SGK3: variants seen among roughly 807,000 people sequenced by gnomAD.
SGK3 encodes the protein serine/threonine-protein kinase Sgk3.
In SGK3, 47 loss-of-function variants were observed where a neutral mutation model predicts 68.5. The observed-to-expected ratio is 0.69, with a 90% CI of 0.54 to 0.87. The LOEUF is 0.87. Among genes scored for constraint, SGK3 ranks in the 40% least tolerant of loss-of-function variants. The probability of loss-of-function intolerance (pLI) is 0.00; values close to 1 mark genes in which losing one functional copy is unlikely to be tolerated. For missense variants in SGK3, 479 were observed against 575.5 expected (o/e 0.83, Z 1.72); for synonymous variants, 181 against 189.1 (o/e 0.96, Z 0.35).
intron 8 of SGK3, among the ~76,000 whole-genome samples, chr8:66,835,278 A>G (rs949828843): frequency 6.6e-6 from 1 of 152,222 alleles, no homozygotes; most frequent in African/African-American, 2.4e-5. Context: ...AAGCGTCTGC[A>G]TGGGACCCAG....
rs759613588 is a variant in SGK3 at position 66,843,562 on chromosome 8, ACCT to A, written c.1074+17_1074+19del. ...TGTATGGATTGGTATGTATTTCTAT[ACCT>A]CATTATTCCAATGTATTATCATTGA... is the stretch of plus-strand genomic sequence containing the variant. On this transcript the variant is annotated intron_variant, in intron 14 of 16. Transcript: ENST00000521198. 46 of 1,605,460 alleles carry A rather than the reference ACCT, an allele frequency of 2.9e-5. 1 individual carries two copies. The South Asian group carries it at 4.4e-4, about 15-fold the overall frequency.
intron 1 of SGK3, among the ~76,000 whole-genome samples, chr8:66,715,403 G>T (rs964700698): frequency 1.3e-5 from 2 of 152,090 alleles, no homozygotes; most frequent in African/African-American, 2.4e-5. Context: ...GGCTACAGGT[G>T]CATGCCCCCA....
intron 1 of SGK3, among the ~76,000 whole-genome samples, chr8:66,757,043 A>G (rs1288262701): frequency 2.0e-5 from 3 of 151,106 alleles, no homozygotes; most frequent in Non-Finnish European, 4.4e-5. Flanking sequence ...ATGTTTTTCT[A>G]CCTTTCTGCC....
chr8:66,813,538 G>T (rs1808463958), intron 4 of SGK3, among the ~76,000 whole-genome samples: 1 of 151,782 alleles, frequency 6.6e-6, no homozygotes, highest in Admixed American at 6.6e-5. Flanking sequence ...ACAAAGCAAT[G>T]TGCTTCTCCA....
At chr8:66,817,872 C>G (rs927928829) in intron 5 of SGK3, among the ~76,000 whole-genome samples, 4 of 152,056 alleles carry the variant, frequency 2.6e-5, no homozygotes, top group African/African-American at 7.2e-5. Context: ...CTTTGGGAGG[C>G]TAAGGCAGGC....
intron 1 of SGK3, among the ~76,000 whole-genome samples, chr8:66,728,916 T>G (rs1805056132): frequency 6.7e-6 from 1 of 149,682 alleles, no homozygotes; most frequent in Admixed American, 6.6e-5. Context: ...ACTCTGCCTC[T>G]TAAAAAAAAA....
intron 1 of SGK3, among the ~76,000 whole-genome samples, chr8:66,713,699 G>A (rs1329896685): frequency 6.6e-6 from 1 of 152,106 alleles, no homozygotes; most frequent in South Asian, 2.1e-4. Context: ...CCCTTACTAT[G>A]CGCTGGGCTC....
intron 1 of SGK3, among the ~76,000 whole-genome samples, chr8:66,750,530 A>G (rs545955676): frequency 5.3e-5 from 8 of 152,036 alleles, no homozygotes; most frequent in African/African-American, 1.9e-4. Context: ...TTTAGTCTTA[A>G]GAAATGTGAT....
At position 66,788,304 on chromosome 8, in the gene SGK3, C is replaced by G. The variant is rs1585717001; in HGVS notation, c.-121-5312C>G. Among the ~76,000 whole-genome samples the G allele has an allele frequency of 2.6e-5, 4 of 152,324 alleles. No individual in the cohort carries two copies. In the South Asian group the frequency reaches 8.3e-4, roughly 32 times the overall value. Reference sequence around the variant, plus strand: ...ATGATTCAGTGAACCAGACAATACTCTGTTCACGATGGGCTGTTGTTTTTA... The same window carrying G: ...ATGATTCAGTGAACCAGACAATACTGTGTTCACGATGGGCTGTTGTTTTTA... On this transcript the variant is annotated intron_variant, in intron 1 of 16. Transcript: ENST00000521198.
At chr8:66,752,054 C>A (rs1805834519) in intron 1 of SGK3, among the ~76,000 whole-genome samples, 2 of 152,256 alleles carry the variant, frequency 1.3e-5, no homozygotes, top group South Asian at 4.1e-4. Flanking sequence ...CATGAGCCCC[C>A]AAGCCTGGCC....
intron 1 of SGK3, among the ~76,000 whole-genome samples, chr8:66,731,136 CTT>C (rs1805139195): frequency 6.6e-6 from 1 of 152,136 alleles, no homozygotes; most frequent in Admixed American, 6.6e-5. Flanking sequence ...AGAGAACACA[CTT>C]TGTATGATTT....
chr8:66,799,423 A>G (rs567487434), intron 3 of SGK3, among the ~76,000 whole-genome samples: 2 of 152,324 alleles, frequency 1.3e-5, no homozygotes, highest in East Asian at 3.9e-4. Flanking sequence ...AGACCACCAC[A>G]GTCACTATAA....
chr8:66,715,239 AGCTT>A (rs1171696212), intron 1 of SGK3, among the ~76,000 whole-genome samples: 11 of 149,686 alleles, frequency 7.3e-5, no homozygotes, highest in Admixed American at 2.0e-4. Flanking sequence ...TTATGTTGAC[AGCTT>A]GCTTTCTTTC....
chr8:66,778,355 G>A (rs1462132406), intron 1 of SGK3, among the ~76,000 whole-genome samples: 5 of 152,150 alleles, frequency 3.3e-5, no homozygotes, highest in African/African-American at 1.2e-4. Context: ...GTGAAGTGGT[G>A]GCGCGATCTC....
At chr8:66,797,842 T>C (rs1807762019) in intron 2 of SGK3, among the ~76,000 whole-genome samples, 1 of 152,160 alleles carries the variant, frequency 6.6e-6, no homozygotes, top group African/African-American at 2.4e-5. Context: ...GCAAAAAAAA[T>C]CTGAAGCAAG....
intron 1 of SGK3, among the ~76,000 whole-genome samples, chr8:66,734,515 A>G (rs1805261510): frequency 6.6e-6 from 1 of 152,170 alleles, no homozygotes; most frequent in South Asian, 2.1e-4. Flanking sequence ...CAAACCATCC[A>G]AAGGTACTGT....
intron 1 of SGK3, among the ~76,000 whole-genome samples, chr8:66,723,387 T>C (rs1268036460): frequency 6.6e-6 from 1 of 151,290 alleles, no homozygotes; most frequent in Non-Finnish European, 1.5e-5. Context: ...GAGGTTGTGG[T>C]GAGCCAAGAT....
chr8:66,738,832 A>G (rs970095132), intron 1 of SGK3, among the ~76,000 whole-genome samples: 2 of 152,026 alleles, frequency 1.3e-5, no homozygotes, highest in Non-Finnish European at 2.9e-5. Context: ...GGGTTTCACC[A>G]TGTTAGCCAG....
At chr8:66,760,503 T>C (rs1234616484) in intron 1 of SGK3, among the ~76,000 whole-genome samples, 1 of 151,614 alleles carries the variant, frequency 6.6e-6, no homozygotes, top group Non-Finnish European at 1.5e-5. Context: ...CCCGGCTAAC[T>C]TTTTGTATTT....
Sources: allele counts gnomAD v4.1 joint callset (sites outside exome capture counted in the v4.1 genomes callset), GRCh38; gene constraint gnomAD v4.1.1; transcripts MANE v1.5; gene names NCBI Gene and HGNC (gene_info 2026-07-23, HGNC 2026-07-21).